Variants in APBB2 observed in about 807,000 individuals in gnomAD.
APBB2 encodes the protein amyloid beta precursor protein binding family B member 2, also known as Fe65-like 1.
A neutral mutation model predicts 82.5 loss-of-function variants in APBB2; 38 were observed. That is an observed-to-expected ratio of 0.46 (90% CI 0.36 to 0.60). The LOEUF is 0.60. Among genes scored for constraint, APBB2 ranks in the 20% least tolerant of loss-of-function variants. APBB2 has a pLI of 0.00. For missense variants in APBB2, 772 were observed against 972.3 expected, an observed-to-expected ratio of 0.79 and a Z score of 2.74; for synonymous variants, 341 against 368.2, an observed-to-expected ratio of 0.93 and a Z score of 0.85.
At chr4:40,820,180 G>T (rs1747344899) in intron 17 of APBB2, among the ~76,000 whole-genome samples, 1 of 152,186 alleles carries the variant, frequency 6.6e-6, no homozygotes, top group South Asian at 2.1e-4. Context: ...TTCTCCCCCA[G>T]CCAGGCAGCT....
intron 6 of APBB2, among the ~76,000 whole-genome samples, chr4:40,973,589 T>C (rs900095057): frequency 3.9e-5 from 6 of 152,214 alleles, no homozygotes; most frequent in Non-Finnish European, 7.3e-5. Context: ...TATCACAAAC[T>C]GAGTGGTTTA....
chr4:41,204,678 A>T (rs750101181), intron 1 of APBB2, among the ~76,000 whole-genome samples: 6 of 152,198 alleles, frequency 3.9e-5, no homozygotes, highest in Non-Finnish European at 7.3e-5. Flanking sequence ...GAGCAGGTAG[A>T]GGCAGTGGCC....
At chr4:40,960,439 T>A (rs1349349909) in intron 6 of APBB2, among the ~76,000 whole-genome samples, 9 of 142,028 alleles carry the variant, frequency 6.3e-5, no homozygotes, top group Admixed American at 5.6e-4. Flanking sequence ...ACAGAAATTT[T>A]TTTTCGGGTT....
At chr4:40,993,105 G>T (rs961890652) in intron 6 of APBB2, among the ~76,000 whole-genome samples, 4 of 152,080 alleles carry the variant, frequency 2.6e-5, no homozygotes, top group African/African-American at 9.7e-5. Context: ...CACATGTCTT[G>T]TTTCAGTTAA....
chr4:41,128,498 A>G lies in APBB2; in HGVS notation c.-261+14489T>C, dbSNP rs1489952177. The stretch of plus-strand genomic sequence containing the variant: ...TTCTAAAAAATCTAACTGATCACCA[A>G]AGCCCTGTAAAAGAATATCTAAAAT... On this transcript the variant is annotated intron_variant, in intron 2 of 17. Coordinates refer to ENST00000508593, the MANE Select transcript of APBB2 (RefSeq NM_004307.2). Among the ~76,000 whole-genome samples, 3 of 152,232 alleles carry G rather than the reference A, an allele frequency of 2.0e-5. No homozygotes were observed. The East Asian group carries it at 5.8e-4, about 29-fold the overall frequency.
At chr4:40,889,064 C>T (rs534028619) in intron 12 of APBB2, among the ~76,000 whole-genome samples, 2 of 152,332 alleles carry the variant, frequency 1.3e-5, no homozygotes, top group South Asian at 2.1e-4. Flanking sequence ...GACAGGTGTG[C>T]GCACATAATC....
intron 12 of APBB2, chr4:40,880,756 G>C: frequency 1.0e-6 from 1 of 985,418 alleles, no homozygotes; most frequent in Non-Finnish European, 1.2e-6. Context: ...GCTGTTCGAA[G>C]ATCATCATCA....
At chr4:41,140,733 C>G (rs1055284476) in intron 2 of APBB2, among the ~76,000 whole-genome samples, 5 of 152,210 alleles carry the variant, frequency 3.3e-5, no homozygotes, top group African/African-American at 7.2e-5. Flanking sequence ...TGCCCCCTGA[C>G]AGATCAGTGG....
chr4:41,074,615 T>C (rs371937821), intron 3 of APBB2, among the ~76,000 whole-genome samples: 2 of 146,838 alleles, frequency 1.4e-5, no homozygotes, highest in Non-Finnish European at 3.0e-5. Flanking sequence ...ATTATTTTTT[T>C]TTTTTTTTTT....
chr4:40,868,652 C>T (rs1000088388), intron 12 of APBB2, among the ~76,000 whole-genome samples: 3 of 152,168 alleles, frequency 2.0e-5, no homozygotes, highest in African/African-American at 7.2e-5. Flanking sequence ...TTAAAGACTC[C>T]TGATACAGTC....
intron 3 of APBB2, among the ~76,000 whole-genome samples, chr4:41,090,015 C>T (rs765116927): frequency 6.6e-6 from 1 of 152,052 alleles, no homozygotes; most frequent in Non-Finnish European, 1.5e-5. Flanking sequence ...GGCAATTTAA[C>T]CCTACTTATT....
At chr4:41,008,663 G>A (rs1043311062) in intron 6 of APBB2, among the ~76,000 whole-genome samples, 2 of 152,142 alleles carry the variant, frequency 1.3e-5, no homozygotes, top group Non-Finnish European at 2.9e-5. Flanking sequence ...TATTCATTGA[G>A]CTCTTGCTAT....
At chr4:41,184,101 T>C (rs1473452242) in intron 1 of APBB2, among the ~76,000 whole-genome samples, 1 of 151,916 alleles carries the variant, frequency 6.6e-6, no homozygotes, top group Non-Finnish European at 1.5e-5. Flanking sequence ...ACAATAGGAT[T>C]CGTGCTCCTT....
intron 1 of APBB2, among the ~76,000 whole-genome samples, chr4:41,163,392 C>T (rs555301290): frequency 1.2e-4 from 18 of 152,196 alleles, no homozygotes; most frequent in Admixed American, 2.0e-4. Flanking sequence ...CCTGATGGGT[C>T]CCTGCACTAG....
At chr4:41,092,376 T>C (rs957659209) in intron 3 of APBB2, among the ~76,000 whole-genome samples, 2 of 152,194 alleles carry the variant, frequency 1.3e-5, no homozygotes, top group Admixed American at 1.3e-4. Flanking sequence ...AAAGTCGGCA[T>C]TCCTAGCTCC....
intron 5 of APBB2, among the ~76,000 whole-genome samples, chr4:41,031,890 G>C (rs1015178074): frequency 6.6e-6 from 1 of 151,790 alleles, no homozygotes; most frequent in Admixed American, 6.6e-5. Flanking sequence ...TATTCAATAC[G>C]TATTGACAAA....
At chr4:41,123,381 G>C (rs1753458722) in intron 2 of APBB2, among the ~76,000 whole-genome samples, 1 of 152,148 alleles carries the variant, frequency 6.6e-6, no homozygotes, top group Non-Finnish European at 1.5e-5. Context: ...TGACCAAGGA[G>C]ATGCTCAGTG....
chr4:41,066,660 C>T (rs1731961677), intron 3 of APBB2, among the ~76,000 whole-genome samples: 1 of 152,152 alleles, frequency 6.6e-6, no homozygotes, highest in Non-Finnish European at 1.5e-5. Context: ...GGATGCGAGA[C>T]AAGGCGATGG....
intron 1 of APBB2, among the ~76,000 whole-genome samples, chr4:41,162,817 C>T (rs1427450312): frequency 2.0e-5 from 3 of 152,136 alleles, no homozygotes; most frequent in Admixed American, 6.5e-5. Context: ...TCTGATCACA[C>T]CACTTCACTC....
Sources: gnomAD v4.1 joint callset for allele counts (sites outside exome capture counted in the v4.1 genomes callset) on GRCh38, gnomAD v4.1.1 for gene constraint, MANE v1.5 for transcripts, NCBI Gene and HGNC (gene_info 2026-07-23, HGNC 2026-07-21) for gene names.